Variants in PLAT observed in about 807,000 individuals in gnomAD.
PLAT encodes the protein plasminogen activator, tissue type, also known as tissue-type plasminogen activator.
In PLAT, 48 loss-of-function variants were observed where a neutral mutation model predicts 74.9. The observed-to-expected ratio is 0.64, with a 90% CI of 0.51 to 0.82. The LOEUF is 0.82. Ranked by LOEUF, PLAT falls within the 40% of genes least tolerant of loss-of-function variation. The pLI is 0.00. For missense variants in PLAT, 673 were observed against 736.2 expected (o/e 0.91, Z 0.99); for synonymous variants, 307 against 294.4 (o/e 1.04, Z -0.44).
chr8:42,184,780 G>A (rs1446778794), intron 7 of PLAT: 2 of 266,418 alleles, frequency 7.5e-6, no homozygotes, highest in East Asian at 1.3e-4. Context: ...TCAAAAAAGG[G>A]AGAATCTCCA....
At chr8:42,180,154 G>T in intron 11 of PLAT, 88 bp from the exon 12 acceptor site, 1 of 1,588,388 alleles carries the variant, frequency 6.3e-7, no homozygotes, top group Non-Finnish European at 8.6e-7. Context: ...GGCTGGAGGA[G>T]GAGGCCCGTG....
intron 1 of PLAT, among the ~76,000 whole-genome samples, chr8:42,198,966 AG>A (rs1267163647): frequency 6.6e-6 from 1 of 152,238 alleles, no homozygotes; most frequent in East Asian, 1.9e-4. Flanking sequence ...GCACGTTTCT[AG>A]AGCAGGACGA....
chr8:42,176,700 T>C (rs889955339), intron 13 of PLAT, among the ~76,000 whole-genome samples: 3 of 152,274 alleles, frequency 2.0e-5, no homozygotes, highest in Non-Finnish European at 4.4e-5. Context: ...TTGAACTTCA[T>C]GGTAGTAAGA....
At chr8:42,189,224 A>G (rs929881947) in intron 3 of PLAT, among the ~76,000 whole-genome samples, 153 bp from the exon 4 acceptor site, 12 of 152,206 alleles carry the variant, frequency 7.9e-5, no homozygotes, top group Non-Finnish European at 1.5e-4. Flanking sequence ...AGACAACAAG[A>G]TAATGAATAC....
At chr8:42,193,030 G>A (rs1805745671) in intron 2 of PLAT, 84 bp downstream of exon 2, 7 of 932,166 alleles carry the variant, frequency 7.5e-6, no homozygotes, top group Admixed American at 6.9e-5. Flanking sequence ...TCCAACCTCC[G>A]TGGCCCAGAT....
intron 1 of PLAT, among the ~76,000 whole-genome samples, chr8:42,196,906 A>G (rs1329489586): frequency 6.6e-6 from 1 of 151,620 alleles, no homozygotes; most frequent in Non-Finnish European, 1.5e-5. Flanking sequence ...ATAGAAAAGG[A>G]AAAAAAAGAA....
At position 42,188,122 on chromosome 8, in the gene PLAT, G is replaced by T; in HGVS notation, c.254-106C>A. The T allele has an allele frequency of 6.0e-6, 4 of 662,078 alleles. No individual in the cohort carries two copies. In the South Asian group the frequency reaches 7.1e-5, roughly 12 times the overall value. The allele number at this position is 662,078 out of a possible 1,614,324, so 41.0% of individuals were successfully genotyped here. A position where few individuals can be genotyped will look rare whatever the true frequency, so the allele number is the denominator to read the frequency against. On this transcript the variant is annotated intron_variant, in intron 4 of 13. Transcript: ENST00000220809. Reference sequence around the variant, plus strand: ...CACAATCCACACACACTCAAGTCCTGCAGCGTGGAACACGCGTATACCAGT... The same window carrying T: ...CACAATCCACACACACTCAAGTCCTTCAGCGTGGAACACGCGTATACCAGT...
At chr8:42,193,518 A>C in intron 1 of PLAT, 1 of 261,218 alleles carries the variant, frequency 3.8e-6, no homozygotes, top group African/African-American at 2.2e-5. Flanking sequence ...CATCACCCCT[A>C]ACTGAAACTC....
At chr8:42,176,335 T>C (rs1804973883) in intron 13 of PLAT, among the ~76,000 whole-genome samples, 184 bp from the exon 14 acceptor site, 1 of 152,240 alleles carries the variant, frequency 6.6e-6, no homozygotes, top group African/African-American at 2.4e-5. Flanking sequence ...CTGGGGACAC[T>C]GTCTGCCTGG....
chr8:42,185,014 CG>C, intron 7 of PLAT, 66 bp downstream of exon 7: 1 of 1,066,124 alleles, frequency 9.4e-7, no homozygotes. Context: ...GGAGGGCTAT[CG>C]GCCTGTCCTC....
chr8:42,192,267 G>A (rs1460614547), intron 2 of PLAT, among the ~76,000 whole-genome samples: 2 of 152,106 alleles, frequency 1.3e-5, no homozygotes, highest in African/African-American at 2.4e-5. Flanking sequence ...GCCTCCCAAA[G>A]TGCTGAGATT....
At chr8:42,190,103 G>T (rs1294667020) in intron 3 of PLAT, among the ~76,000 whole-genome samples, 2 of 151,922 alleles carry the variant, frequency 1.3e-5, no homozygotes, top group Non-Finnish European at 2.9e-5. Flanking sequence ...GTAGAGGCGG[G>T]GTGGGGTGGG....
intron 3 of PLAT, among the ~76,000 whole-genome samples, chr8:42,189,759 C>T (rs1587936686): frequency 6.6e-6 from 1 of 150,716 alleles, no homozygotes; most frequent in Non-Finnish European, 1.5e-5. Flanking sequence ...ATACCATGCC[C>T]GGCTAATTTT....
At chr8:42,195,960 GC>G (rs1563262135) in intron 1 of PLAT, among the ~76,000 whole-genome samples, 2 of 152,130 alleles carry the variant, frequency 1.3e-5, no homozygotes, top group Non-Finnish European at 2.9e-5. Flanking sequence ...CTCTCGATAG[GC>G]TCCTGCACCC....
intron 8 of PLAT, chr8:42,182,276 A>C (rs1659845587): frequency 2.4e-6 from 1 of 409,266 alleles, no homozygotes; most frequent in Admixed American, 3.6e-5. Context: ...TCAACCAATG[A>C]AAACCACTGA....
chr8:42,197,822 A>G (rs992189916), intron 1 of PLAT, among the ~76,000 whole-genome samples: 6 of 152,228 alleles, frequency 3.9e-5, no homozygotes, highest in African/African-American at 1.4e-4. Flanking sequence ...AAAAATAATT[A>G]ATGTGCTGTC....
chr8:42,191,301 GGGTGA>G (rs1355330704), intron 3 of PLAT, 66 bp downstream of exon 3: 110 of 1,229,784 alleles, frequency 8.9e-5, no homozygotes, highest in Admixed American at 3.4e-5. Flanking sequence ...GGTGGTGGGT[GGGTGA>G]TGCACCCTGC....
intron 5 of PLAT, 55 bp downstream of exon 5, chr8:42,187,851 G>GCGC (rs1805544322): frequency 1.7e-6 from 2 of 1,210,924 alleles, no homozygotes; most frequent in Non-Finnish European, 2.5e-6. Context: ...TCCGGGGGCG[G>GCGC]GGGAGACTGG....
In PLAT at chr8:42,180,059, C is replaced by T; in HGVS notation, c.1230G>A (p.Leu410=). The T allele has an allele frequency of 1.2e-6, 2 of 1,605,264 alleles. No homozygotes were observed. Among genetic ancestry groups the T allele is most frequent in the South Asian group, 1.1e-5 (1 of 90,256 alleles). ...AGCGGGACGAATCCGATTTCAGCTG[C>T]AGCAGCGCTGGGAGGGAGAAAGGAG... ...DDTYDNDIAL[L]QLKSDSSRCA... Residue 410 remains leucine (L), a synonymous_variant, in exon 12 of 14, where the codon CTG becomes CTA. Coordinates refer to ENST00000220809, the MANE Select transcript of PLAT (RefSeq NM_000930.5).
Sources: allele counts gnomAD v4.1 joint callset (sites outside exome capture counted in the v4.1 genomes callset), GRCh38; gene constraint gnomAD v4.1.1; transcripts MANE v1.5; gene names NCBI Gene and HGNC (gene_info 2026-07-23, HGNC 2026-07-21).